Variants in CFAP58 observed in about 807,000 individuals in gnomAD.
CFAP58 encodes the protein cilia and flagella associated protein 58, also known as cilia- and flagella-associated protein 58.
In CFAP58, 88 loss-of-function variants were observed where a neutral mutation model predicts 119.5. That is an observed-to-expected ratio of 0.74 (90% confidence interval 0.62 to 0.88). The LOEUF is 0.88. Ranked by LOEUF, CFAP58 falls within the 40% of genes least tolerant of loss-of-function variation. The pLI is 0.00. For synonymous variants in CFAP58, 365 were observed against 366.3 expected (o/e 1.00, Z 0.04); for missense variants, 990 against 1,021.2 (o/e 0.97, Z 0.42).
At chr10:104,425,079 T>G (rs74157106) in intron 15 of CFAP58, among the ~76,000 whole-genome samples, 7 of 152,308 alleles carry the variant, frequency 4.6e-5, no homozygotes, top group African/African-American at 1.7e-4. Context: ...TTCACAGGGT[T>G]GCTGTGCTCA....
chr10:104,398,051 C>G (rs553141516), intron 11 of CFAP58, among the ~76,000 whole-genome samples: 1 of 152,354 alleles, frequency 6.6e-6, no homozygotes, highest in East Asian at 1.9e-4. Flanking sequence ...TTCCCAAAAG[C>G]CTGACTGTTG....
chr10:104,389,670 G>T (rs1363080715), intron 9 of CFAP58, among the ~76,000 whole-genome samples: 1 of 152,076 alleles, frequency 6.6e-6, no homozygotes, highest in Non-Finnish European at 1.5e-5. Flanking sequence ...TGAACTTGAG[G>T]GTAGAGAATG....
Position 104,376,844 on chromosome 10 carries a change from A to T in CFAP58, c.1124A>T (p.Asp375Val), listed in dbSNP as rs1460279858. ...GCTTCAAAGAAACAAGCAGAACTTGACAGAAAGGCAATGGACGAGCTTCTA... is the reference window on the plus strand; with the variant it reads ...GCTTCAAAGAAACAAGCAGAACTTGTCAGAAAGGCAATGGACGAGCTTCTA... ...VEASKKQAEL[D>V]RKAMDELLRE... Residue 375 changes from aspartate to valine, a missense_variant, in exon 8 of 18, where the codon GAC becomes GTC. By Grantham distance (152) the Asp-to-Val change is radical (BLOSUM62 -3). Transcript: ENST00000369704. The T allele has an allele frequency of 2.5e-6, 4 of 1,613,706 alleles. No homozygotes were observed. Among genetic ancestry groups the T allele is most frequent in the Middle Eastern group, 1.7e-4 (1 of 6,060 alleles).
chr10:104,359,648 T>C (rs2014640376), intron 2 of CFAP58, among the ~76,000 whole-genome samples: 1 of 151,960 alleles, frequency 6.6e-6, no homozygotes, highest in African/African-American at 2.4e-5. Context: ...AATATAAAAA[T>C]TAGCTGGGCG....
At chr10:104,341,191 A>C in the CFAP58 span, among the ~76,000 whole-genome samples, 1 of 152,164 alleles carries the variant, frequency 6.6e-6, no homozygotes, top group Non-Finnish European at 1.5e-5. Flanking sequence ...CTCCCATTGA[A>C]GTTACAATAA....
chr10:104,438,671 G>A lies in CFAP58; in HGVS notation c.2257-9027G>A, dbSNP rs118074880. ...ATTACAGGCGTGAGCCACCGCGCCC[G>A]GCCCATCAATGGGAATTTTTATAAA... On this transcript the variant is annotated intron_variant, in intron 15 of 17. Coordinates refer to ENST00000369704, the MANE Select transcript of CFAP58 (RefSeq NM_001008723.2). Among the ~76,000 whole-genome samples the A allele has an allele frequency of 8.5e-3, 1,292 of 152,236 alleles. 13 individuals are homozygous for A. The highest frequency in any genetic ancestry group is 0.038 in the East Asian group (196 of 5,178).
chr10:104,367,437 T>G (rs2014764583), intron 5 of CFAP58, among the ~76,000 whole-genome samples: 1 of 152,214 alleles, frequency 6.6e-6, no homozygotes, highest in Non-Finnish European at 1.5e-5. Context: ...AATATACTTT[T>G]TTTTTGTCCG....
chr10:104,378,113 T>A (rs2011707619), intron 8 of CFAP58, among the ~76,000 whole-genome samples: 1 of 152,230 alleles, frequency 6.6e-6, no homozygotes, highest in Non-Finnish European at 1.5e-5. Context: ...TATACTTTTG[T>A]ATTTTTTATT....
At chr10:104,413,015 A>C (rs1300328073) in intron 15 of CFAP58, among the ~76,000 whole-genome samples, 3 of 152,218 alleles carry the variant, frequency 2.0e-5, no homozygotes, top group Admixed American at 2.0e-4. Flanking sequence ...AGTTGTAATT[A>C]ATATGTAATG....
At chr10:104,449,047 G>A (rs1273796587) in intron 16 of CFAP58, among the ~76,000 whole-genome samples, 1 of 152,086 alleles carries the variant, frequency 6.6e-6, no homozygotes, top group Non-Finnish European at 1.5e-5. Flanking sequence ...GAGGTGGGTG[G>A]TACTGAGCAT....
intron 13 of CFAP58, among the ~76,000 whole-genome samples, chr10:104,401,924 A>T (rs1249002119): frequency 6.6e-6 from 1 of 152,216 alleles, no homozygotes; most frequent in Non-Finnish European, 1.5e-5. Flanking sequence ...AGACAAATGG[A>T]TTCATTCTAA....
chr10:104,416,138 A>G (rs2012549325), intron 15 of CFAP58, among the ~76,000 whole-genome samples: 1 of 152,160 alleles, frequency 6.6e-6, no homozygotes, highest in South Asian at 2.1e-4. Context: ...AAACGATGAG[A>G]ATACTGAGGC....
intron 15 of CFAP58, among the ~76,000 whole-genome samples, chr10:104,416,167 G>T (rs2012549920): frequency 6.6e-6 from 1 of 152,156 alleles, no homozygotes; most frequent in South Asian, 2.1e-4. Flanking sequence ...TTCATGTGTG[G>T]AAGTAGTGAT....
chr10:104,371,165 G>T, intron 7 of CFAP58, 111 bp downstream of exon 7: 1 of 997,956 alleles, frequency 1.0e-6, no homozygotes, highest in Non-Finnish European at 1.4e-6. Flanking sequence ...AATGAAATCA[G>T]TAAAACAACA....
chr10:104,414,966 G>T (rs1198324102), intron 15 of CFAP58, among the ~76,000 whole-genome samples: 1 of 152,220 alleles, frequency 6.6e-6, no homozygotes, highest in East Asian at 1.9e-4. Context: ...CCCCACGCCC[G>T]TGAATGGGCA....
chr10:104,397,970 C>G (rs2012194015), intron 11 of CFAP58, among the ~76,000 whole-genome samples: 1 of 152,250 alleles, frequency 6.6e-6, no homozygotes, highest in African/African-American at 2.4e-5. Flanking sequence ...ACCTAACTCT[C>G]TAATTCAGCC....
At chr10:104,432,416 A>G (rs1327031966) in intron 15 of CFAP58, among the ~76,000 whole-genome samples, 1 of 152,250 alleles carries the variant, frequency 6.6e-6, no homozygotes, top group East Asian at 1.9e-4. Flanking sequence ...GAAAATTAAA[A>G]GAATAATTAT....
In CFAP58 at chr10:104,357,916, T is replaced by TATGTACACATATACACACAC. The variant is rs1220507050; in HGVS notation, c.10-423_10-422insGTACACATATACACACACAT. ...ACATATATGTACACATATACACACATATATGTACACATATACACACATATA... is the reference window on the plus strand; with the variant it reads ...ACATATATGTACACATATACACACATATGTACACATATACACACACATATGTACACATATACACACATATA... On this transcript the variant is annotated intron_variant, in intron 1 of 17. Coordinates refer to ENST00000369704, the MANE Select transcript of CFAP58 (RefSeq NM_001008723.2). Among the ~76,000 whole-genome samples the TATGTACACATATACACACAC allele has an allele frequency of 4.4e-5, 5 of 114,834 alleles. 1 individual carries two copies. The highest frequency in any genetic ancestry group is 5.4e-5 in the Non-Finnish European group (3 of 55,982). The allele number at this position is 114,834 out of a possible 152,430, so 75.3% of individuals were successfully genotyped here.
chr10:104,453,761 AGTGTGTGTGTGTGTGT>A (rs56666132), intron 17 of CFAP58, among the ~76,000 whole-genome samples: 3 of 138,844 alleles, frequency 2.2e-5, no homozygotes, highest in African/African-American at 5.4e-5. Context: ...CATGAATATG[AGTGTGTGTGTGTGTGT>A]GTGTGTGTGT....
Sources: gnomAD v4.1 joint callset for allele counts (sites outside exome capture counted in the v4.1 genomes callset) on GRCh38, gnomAD v4.1.1 for gene constraint, MANE v1.5 for transcripts, NCBI Gene and HGNC (gene_info 2026-07-23, HGNC 2026-07-21) for gene names.